Variants in IGSF5 observed in about 807,000 individuals in gnomAD.
The protein encoded by IGSF5 is immunoglobulin superfamily 5 like.
A neutral mutation model predicts 39.4 loss-of-function variants in IGSF5; 41 were observed. The ratio of observed to expected loss-of-function variants is 1.04; its 90% CI spans 0.81 to 1.35. The LOEUF is 1.35. IGSF5 is among the 40% of genes most tolerant of loss of function. The pLI, the probability that IGSF5 is intolerant of heterozygous loss-of-function variation, is 0.00. For missense variants in IGSF5, 487 were observed against 494.6 expected (o/e 0.98, Z 0.15); for synonymous variants, 183 against 175.3 (o/e 1.04, Z -0.34).
chr21:39,735,374 T>C, the IGSF5 span, among the ~76,000 whole-genome samples: 1 of 152,168 alleles, frequency 6.6e-6, no homozygotes, highest in Non-Finnish European at 1.5e-5. Context: ...TAACTATGGG[T>C]GCTACTGAAA....
intron 2 of IGSF5, 76 bp downstream of exon 2, chr21:39,746,374 T>C (rs2079974953): frequency 1.5e-6 from 1 of 649,180 alleles, no homozygotes; most frequent in East Asian, 2.8e-5. Context: ...TAGAGTGAAA[T>C]AGAGTGAAAA....
intron 8 of IGSF5, among the ~76,000 whole-genome samples, chr21:39,798,192 A>G (rs930615691): frequency 2.0e-5 from 3 of 152,218 alleles, no homozygotes; most frequent in Admixed American, 6.5e-5. Context: ...CTTAAGGGTT[A>G]TTGGTTACCT....
At chr21:39,750,745 CT>C (rs1212313264) in intron 2 of IGSF5, among the ~76,000 whole-genome samples, 1 of 151,870 alleles carries the variant, frequency 6.6e-6, no homozygotes, top group Non-Finnish European at 1.5e-5. Context: ...GGACTTTTTT[CT>C]TTCTTAAGAG....
At chr21:39,727,832 T>C in the IGSF5 span, 2 of 152,172 alleles carry the variant, frequency 1.3e-5, no homozygotes, top group Non-Finnish European at 2.9e-5. Context: ...TCAGCAGAGA[T>C]GGGGTGTGTT....
intron 8 of IGSF5, among the ~76,000 whole-genome samples, chr21:39,796,007 C>G (rs551081374): frequency 1.3e-5 from 2 of 152,252 alleles, no homozygotes; most frequent in East Asian, 3.9e-4. Flanking sequence ...TTGATTATGA[C>G]CAAAGAAGGA....
intron 8 of IGSF5, among the ~76,000 whole-genome samples, chr21:39,796,516 G>A (rs2086996926): frequency 6.6e-6 from 1 of 152,208 alleles, no homozygotes; most frequent in Non-Finnish European, 1.5e-5. Context: ...ACAGCTGAGA[G>A]CTATTCAGAG....
the IGSF5 span, among the ~76,000 whole-genome samples, chr21:39,723,866 G>A: frequency 3.5e-3 from 537 of 152,130 alleles, 4 homozygotes; most frequent in African/African-American, 0.012. Flanking sequence ...AAACCTTTGG[G>A]CCTGGCATGG....
chr21:39,772,256 C>T (rs1371104755), intron 4 of IGSF5, among the ~76,000 whole-genome samples: 1 of 152,148 alleles, frequency 6.6e-6, no homozygotes, highest in Admixed American at 6.5e-5. Flanking sequence ...ATTGTGCACA[C>T]GTCTGTAGAG....
chr21:39,751,971 T>A (rs938669557), intron 2 of IGSF5, among the ~76,000 whole-genome samples: 1 of 152,178 alleles, frequency 6.6e-6, no homozygotes, highest in Non-Finnish European at 1.5e-5. Flanking sequence ...TGCTCCTTAG[T>A]CCCTTGCGTG....
chr21:39,761,947 T>C (rs2080063665), intron 2 of IGSF5, among the ~76,000 whole-genome samples: 1 of 152,150 alleles, frequency 6.6e-6, no homozygotes, highest in Non-Finnish European at 1.5e-5. Context: ...AGATTACAGG[T>C]GTGAGCCACT....
rs371000620 is a variant in IGSF5, at chr21:39,801,262, C to T, written c.1129C>T (p.Arg377Trp). ...RNSSCGPPHQ[R>W]ADQRPPRPAS... The stretch of plus-strand genomic sequence containing the variant: ...GACTTTTTTCCTCCTCTGTTGCCAG[C>T]GGGCTGATCAACGTCCACCCAGGCC... The change falls in exon 9 of 9, where the codon CGG becomes TGG. Residue 377 changes from arginine to tryptophan, a missense_variant and splice_region_variant. Physicochemically the swap from Arg to Trp is moderately radical, Grantham distance 101. Coordinates refer to ENST00000380588, the MANE Select transcript of IGSF5 (RefSeq NM_001080444.2). 1.1e-4 allele frequency: 176 copies of T among 1,612,976 alleles called. No individual in the cohort carries two copies. Among genetic ancestry groups the T allele is most frequent in the Non-Finnish European group, 1.4e-4 (167 of 1,179,192 alleles).
rs531132087 is a variant in IGSF5 at position 39,799,691 on chromosome 21, C to T, written c.1129-1571C>T. Among the ~76,000 whole-genome samples the T allele has an allele frequency of 6.6e-5, 10 of 152,234 alleles. No individual in the cohort carries two copies. The East Asian group carries it at 1.7e-3, about 26-fold the overall frequency. On this transcript the variant is annotated intron_variant, in intron 8 of 8. Transcript: ENST00000380588. The stretch of plus-strand genomic sequence containing the variant: ...GAGTTTGAGATGCTCACGGTGGTGC[C>T]ATGATGAATGCCAAGTGAAAGGTCT...
At chr21:39,783,463 A>G (rs1481190113) in intron 5 of IGSF5, among the ~76,000 whole-genome samples, 1 of 152,186 alleles carries the variant, frequency 6.6e-6, no homozygotes, top group Non-Finnish European at 1.5e-5. Flanking sequence ...CCTGAGAATT[A>G]GTGATGTTGA....
intron 2 of IGSF5, among the ~76,000 whole-genome samples, chr21:39,755,371 G>T (rs932946301): frequency 6.6e-6 from 1 of 152,008 alleles, no homozygotes; most frequent in African/African-American, 2.4e-5. Context: ...CGGATCACAA[G>T]GTCAGGAGAT....
At chr21:39,761,865 G>T (rs1025682102) in intron 2 of IGSF5, among the ~76,000 whole-genome samples, 15 of 152,036 alleles carry the variant, frequency 9.9e-5, no homozygotes, top group African/African-American at 3.6e-4. Flanking sequence ...ATGGGATATT[G>T]TTATGTTTTC....
chr21:39,782,881 A>C (rs1366079335), intron 5 of IGSF5, among the ~76,000 whole-genome samples: 1 of 152,020 alleles, frequency 6.6e-6, no homozygotes, highest in Non-Finnish European at 1.5e-5. Context: ...GCTTCCCCCG[A>C]CTACCTCCCC....
chr21:39,747,949 A>AC (rs2079984055), intron 2 of IGSF5, among the ~76,000 whole-genome samples: 1 of 149,390 alleles, frequency 6.7e-6, no homozygotes, highest in African/African-American at 2.6e-5. Context: ...GCAAAAAAAA[A>AC]AACAACCGAT....
At chr21:39,721,056 T>G in the IGSF5 span, among the ~76,000 whole-genome samples, 1 of 152,166 alleles carries the variant, frequency 6.6e-6, no homozygotes, top group Non-Finnish European at 1.5e-5. Context: ...TATCTTTCAT[T>G]GAAAGAAAAG....
chr21:39,800,578 C>T (rs1169025461), intron 8 of IGSF5, among the ~76,000 whole-genome samples: 1 of 152,204 alleles, frequency 6.6e-6, no homozygotes, highest in Non-Finnish European at 1.5e-5. Context: ...GTAATTCTAT[C>T]CTCAAGACTT....
Sources: gnomAD v4.1 joint callset for allele counts (sites outside exome capture counted in the v4.1 genomes callset) on GRCh38, gnomAD v4.1.1 for gene constraint, MANE v1.5 for transcripts, NCBI Gene and HGNC (gene_info 2026-07-23, HGNC 2026-07-21) for gene names.